The following ABR variants were observed in gnomAD, a reference collection of about 807,000 sequenced individuals.
The protein encoded by ABR is ABR activator of RhoGEF and GTPase.
In ABR, 35 loss-of-function variants were observed where a neutral mutation model predicts 107.2. The observed-to-expected ratio is 0.33, with a 90% CI of 0.25 to 0.43. The LOEUF is 0.43. Ranked by LOEUF, ABR falls within the 20% of genes least tolerant of loss-of-function variation. The pLI, the probability that ABR is intolerant of heterozygous loss-of-function variation, is 1.00. For missense variants in ABR, 815 were observed against 1,115.2 expected, an observed-to-expected ratio of 0.73 and a Z score of 3.83; for synonymous variants, 498 against 462.0, an observed-to-expected ratio of 1.08 and a Z score of -1.00.
intron 10 of ABR, among the ~76,000 whole-genome samples, chr17:1,059,593 C>A (rs141523775): frequency 1.3e-5 from 2 of 152,340 alleles, no homozygotes; most frequent in Non-Finnish European, 2.9e-5. Flanking sequence ...GCCCGGCAGA[C>A]AACCCACCAG....
At chr17:1,222,525 G>A (rs2043137706) in intron 1 of ABR, among the ~76,000 whole-genome samples, 1 of 152,134 alleles carries the variant, frequency 6.6e-6, no homozygotes, top group Non-Finnish European at 1.5e-5. Context: ...GTCACTGATG[G>A]GAAGGGCAGA....
intron 1 of ABR, among the ~76,000 whole-genome samples, chr17:1,220,360 C>T (rs1163993831): frequency 6.6e-6 from 1 of 152,150 alleles, no homozygotes; most frequent in Non-Finnish European, 1.5e-5. Context: ...TCCAGGCAGC[C>T]TCCCCTCAGA....
Position 1,005,072 on chromosome 17 carries a change from G to C in ABR, c.*1008C>G. ...CTCCTAAGAGCTGAGCTGCCTCCCC[G>C]CGACCCGGGACACCCAGCGTGGCAT... On this transcript the variant is annotated 3_prime_UTR_variant, in exon 23 of 23. Coordinates refer to ENST00000302538, the MANE Select transcript of ABR (RefSeq NM_021962.5). The C allele has an allele frequency of 2.5e-6, 1 of 398,858 alleles. No individual in the cohort carries two copies. Among genetic ancestry groups the C allele is most frequent in the Non-Finnish European group, 4.4e-6 (1 of 226,202 alleles). The allele number at this position is 398,858 out of a possible 1,614,324, so 24.7% of individuals were successfully genotyped here.
At chr17:1,123,496 C>A (rs2151443848) in intron 2 of ABR, among the ~76,000 whole-genome samples, 1 of 152,270 alleles carries the variant, frequency 6.6e-6, no homozygotes. Flanking sequence ...AAGGCACCTG[C>A]CAGCACCAAA....
Position 1,072,774 on chromosome 17 carries a change from G to C in ABR, c.754-20C>G, listed in dbSNP as rs1418488270. The C allele has an allele frequency of 6.2e-7, 1 of 1,609,656 alleles. No homozygotes were observed. The highest frequency in any genetic ancestry group is 8.5e-7 in the Non-Finnish European group (1 of 1,178,874). ...CAGGTCCTGGGAAGGGTGAGGCGGTGAGTTGAGGGGAGCGGCTCTGGGGCC... is the reference window on the plus strand; with the variant it reads ...CAGGTCCTGGGAAGGGTGAGGCGGTCAGTTGAGGGGAGCGGCTCTGGGGCC... On this transcript the variant is annotated intron_variant, in intron 7 of 22. Coordinates refer to ENST00000302538, the MANE Select transcript of ABR (RefSeq NM_021962.5).
At chr17:1,146,778 GGCCACCACTGCCACCAT>G (rs200620893) in intron 1 of ABR, among the ~76,000 whole-genome samples, 46,818 of 126,224 alleles carry the variant, frequency 0.37, 8,657 homozygotes, top group East Asian at 0.53. Context: ...ACTGCCACCA[GGCCACCACTGCCACCAT>G]GCCACCACTG....
rs1260686020 is a variant in ABR, at chr17:1,016,913, G to A, written c.1792-3749C>T. 2.6e-5 allele frequency among the ~76,000 whole-genome samples: 4 copies of A among 152,276 alleles called. No individual in the cohort carries two copies. In the South Asian group the frequency reaches 8.3e-4, roughly 32 times the overall value. Reference sequence around the variant, plus strand: ...AACAGGCCACTGTCATCACGGAAGGGAAACTGGATCTGGGTCAGCCTTGGG... The same window carrying A: ...AACAGGCCACTGTCATCACGGAAGGAAAACTGGATCTGGGTCAGCCTTGGG... On this transcript the variant is annotated intron_variant, in intron 16 of 22. Coordinates refer to ENST00000302538, the MANE Select transcript of ABR (RefSeq NM_021962.5).
chr17:1,042,217 G>A lies in ABR; in HGVS notation c.1791+7833C>T, dbSNP rs111849314. ...AGACATGGCACCTACATCCACGGAC[G>A]GACGGATAAACAGACATGGCACCTA... On this transcript the variant is annotated intron_variant, in intron 16 of 22. Coordinates refer to ENST00000302538, the MANE Select transcript of ABR (RefSeq NM_021962.5). Among the ~76,000 whole-genome samples, 195 of 152,170 alleles carry A rather than the reference G, an allele frequency of 1.3e-3. 4 individuals carry two copies. The highest frequency in any genetic ancestry group is 4.4e-3 in the African/African-American group (181 of 41,502).
chr17:1,054,265 A>C (rs1453687040), intron 14 of ABR, among the ~76,000 whole-genome samples: 1 of 152,112 alleles, frequency 6.6e-6, no homozygotes, highest in African/African-American at 2.4e-5. Context: ...CCATGTTCTC[A>C]CCTTCTCCAG....
chr17:1,125,120 C>T lies in ABR; in HGVS notation c.246+63G>A, dbSNP rs538963155. On this transcript the variant is annotated intron_variant, in intron 2 of 22. Coordinates refer to ENST00000302538, the MANE Select transcript of ABR (RefSeq NM_021962.5). ...AGACCAACCCAAGCAGGGCCTGGCC[C>T]ACGATGCCCAGGCCTTCCCGTCACC... The T allele has an allele frequency of 1.7e-5, 25 of 1,480,428 alleles. No individual in the cohort carries two copies. In the Admixed American group the frequency reaches 2.2e-4, roughly 13 times the overall value. The allele number at this position is 1,480,428 out of a possible 1,614,324, so 91.7% of individuals were successfully genotyped here. A position where few individuals can be genotyped will look rare whatever the true frequency, so the allele number is the denominator to read the frequency against.
intron 2 of ABR, among the ~76,000 whole-genome samples, chr17:1,106,907 C>T (rs915447468): frequency 6.6e-6 from 1 of 152,232 alleles, no homozygotes; most frequent in Admixed American, 6.5e-5. Context: ...GGGAAGATCA[C>T]GCCTTGTTCC....
chr17:1,214,899 C>T (rs944524131), intron 1 of ABR, among the ~76,000 whole-genome samples: 2 of 151,930 alleles, frequency 1.3e-5, no homozygotes, highest in African/African-American at 4.8e-5. Flanking sequence ...TTCTATTTCT[C>T]TCCAAATAAA....
Position 1,078,423 on chromosome 17 carries a change from C to T in ABR, c.700+907G>A, listed in dbSNP as rs1413094146. ...GGCAACGCCGCCGTCCGGACCATCGCCACCCATCGCCACGCTGTGCCTGGC... is the reference window on the plus strand; with the variant it reads ...GGCAACGCCGCCGTCCGGACCATCGTCACCCATCGCCACGCTGTGCCTGGC... On this transcript the variant is annotated intron_variant, in intron 6 of 22. Transcript: ENST00000302538. The surrounding 1 kb of genome is among the most constrained non-coding windows in gnomAD (Gnocchi z 7.5). Among the ~76,000 whole-genome samples the T allele has an allele frequency of 6.6e-6, 1 of 152,196 alleles. No individual in the cohort carries two copies. The highest frequency in any genetic ancestry group is 1.5e-5 in the Non-Finnish European group (1 of 68,038).
At chr17:1,100,917 G>A (rs979181993) in intron 2 of ABR, 182 bp from the exon 3 acceptor site, 39 of 606,582 alleles carry the variant, frequency 6.4e-5, no homozygotes, top group Middle Eastern at 4.4e-4. Flanking sequence ...TCCGCCTCCC[G>A]GGTTCCAGTG....
rs912147122 is a variant in ABR at position 1,011,784 on chromosome 17, T to C, written c.2101+62A>G. On this transcript the variant is annotated intron_variant, in intron 19 of 22. Transcript: ENST00000302538. This position sits in a 1 kb window ranked among gnomAD's most constrained non-coding sequence, Gnocchi z 4.8. ...CTCCTGGTTCCCCCGAGCTCTCCTG[T>C]CCATCCCACCAGCCTGCTCAGACAC... The C allele has an allele frequency of 2.0e-5, 30 of 1,512,538 alleles. No homozygotes were observed. The African/African-American group carries it at 3.9e-4, about 20-fold the overall frequency. The allele number at this position is 1,512,538 out of a possible 1,614,324, so 93.7% of individuals were successfully genotyped here. A position where few individuals can be genotyped will look rare whatever the true frequency, so the allele number is the denominator to read the frequency against.
intron 2 of ABR, among the ~76,000 whole-genome samples, chr17:1,113,699 G>A (rs73293624): frequency 0.056 from 8,492 of 152,194 alleles, 817 homozygotes; most frequent in African/African-American, 0.19. Flanking sequence ...CCCACTCTAC[G>A]TTCCCAATCG....
chr17:1,206,486 G>C (rs1468054417), intron 1 of ABR, among the ~76,000 whole-genome samples: 2 of 152,170 alleles, frequency 1.3e-5, no homozygotes, highest in Non-Finnish European at 2.9e-5. Flanking sequence ...TGGACTCCAG[G>C]GCTCAAGCGG....
chr17:1,215,880 AC>A (rs11312144), intron 1 of ABR, among the ~76,000 whole-genome samples: 143,194 of 149,016 alleles, frequency 0.96, 69,077 homozygotes, highest in East Asian at 1. Flanking sequence ...CTTACCCCCA[AC>A]CCCCGTGCTC....
chr17:1,179,698 C>A lies in ABR; in HGVS notation c.30G>T (p.Pro10=), dbSNP rs754929483. 3 of 1,554,448 alleles carry A rather than the reference C, an allele frequency of 1.9e-6. No homozygotes were observed. The highest frequency in any genetic ancestry group is 2.5e-5 in the East Asian group (1 of 39,296). ...AGAGGGTGTCGATCCAGGACAGGCG[C>A]GGCAGGCCCCGGTGGCTGAGCGGCT... The part of the protein sequence containing the change: MEPLSHRGL[P]RLSWIDTLYS... The change falls in exon 1 of 23, where the codon CCG becomes CCT. Residue 10 remains proline (P), a synonymous_variant. Transcript: ENST00000302538. The surrounding 1 kb of genome is among the most constrained non-coding windows in gnomAD (Gnocchi z 4.9).
Sources: gnomAD v4.1 joint callset for allele counts (sites outside exome capture counted in the v4.1 genomes callset) on GRCh38, gnomAD v4.1.1 for gene constraint, Gnocchi (gnomAD v3.1) non-coding constraint, MANE v1.5 for transcripts, NCBI Gene and HGNC (gene_info 2026-07-23, HGNC 2026-07-21) for gene names.